ITPR2: variants seen among roughly 807,000 people sequenced by gnomAD.
ITPR2 encodes inositol 1,4,5-trisphosphate-gated calcium channel ITPR2.
ITPR2 carries 207 observed loss-of-function variants against 317.1 expected under a neutral mutation model. That is an observed-to-expected ratio of 0.65 (90% CI 0.58 to 0.73). The LOEUF is 0.73. Ranked by LOEUF, ITPR2 falls within the 30% of genes least tolerant of loss-of-function variation. The pLI, the probability that ITPR2 is intolerant of heterozygous loss-of-function variation, is 0.00. For synonymous variants in ITPR2, 1,156 were observed against 1,149.1 expected (o/e 1.01, Z -0.12); for missense variants, 2,613 against 3,284.0 (o/e 0.80, Z 4.99).
At chr12:26,355,706 A>G (rs1200014062) in intron 55 of ITPR2, among the ~76,000 whole-genome samples, 1 of 152,162 alleles carries the variant, frequency 6.6e-6, no homozygotes, top group African/African-American at 2.4e-5. Context: ...GATTCCAAAT[A>G]CCTTTTTCTA....
At chr12:26,393,028 A>G (rs1290186442) in intron 54 of ITPR2, among the ~76,000 whole-genome samples, 1 of 152,178 alleles carries the variant, frequency 6.6e-6, no homozygotes, top group Admixed American at 6.5e-5. Context: ...CTTCTGGATC[A>G]CTAGCTATTG....
At chr12:26,637,450 C>T (rs772950421) in intron 21 of ITPR2, among the ~76,000 whole-genome samples, 8 of 151,972 alleles carry the variant, frequency 5.3e-5, no homozygotes, top group Non-Finnish European at 7.4e-5. Context: ...CAATTTTTAA[C>T]GAGGTTTTGA....
At chr12:26,638,695 G>A (rs571816943) in intron 21 of ITPR2, among the ~76,000 whole-genome samples, 7 of 152,166 alleles carry the variant, frequency 4.6e-5, no homozygotes, top group Non-Finnish European at 8.8e-5. Flanking sequence ...ATTGACTTGG[G>A]TGAAGTCAGA....
intron 55 of ITPR2, among the ~76,000 whole-genome samples, chr12:26,367,130 A>G (rs572354069): frequency 2.4e-4 from 36 of 152,350 alleles, no homozygotes; most frequent in African/African-American, 8.4e-4. Flanking sequence ...TTAGATATAT[A>G]CTTTTATCTC....
chr12:26,650,091 G>C (rs1947211196), intron 21 of ITPR2, among the ~76,000 whole-genome samples: 1 of 152,010 alleles, frequency 6.6e-6, no homozygotes, highest in Admixed American at 6.6e-5. Context: ...GAATAATTAA[G>C]GTATCTAGAA....
chr12:26,606,204 T>C (rs529879224), intron 26 of ITPR2, among the ~76,000 whole-genome samples: 1 of 141,694 alleles, frequency 7.1e-6, no homozygotes, highest in South Asian at 2.2e-4. Flanking sequence ...AAAAAAAAAG[T>C]GTGACACTTA....
intron 2 of ITPR2, among the ~76,000 whole-genome samples, chr12:26,758,775 AT>A (rs1325496643): frequency 6.6e-6 from 1 of 152,240 alleles, no homozygotes; most frequent in Non-Finnish European, 1.5e-5. Context: ...AGGTATATGG[AT>A]GGCAGAAGAA....
chr12:26,488,914 T>C (rs1942733906), intron 39 of ITPR2, among the ~76,000 whole-genome samples: 1 of 152,180 alleles, frequency 6.6e-6, no homozygotes, highest in Non-Finnish European at 1.5e-5. Flanking sequence ...TATAGATTCA[T>C]AAAATGAGGT....
At position 26,550,288 on chromosome 12, in the gene ITPR2, A is replaced by G; in HGVS notation, c.5032T>C (p.Leu1678=). The G allele has an allele frequency of 6.4e-7, 1 of 1,553,712 alleles. No homozygotes were observed. The highest frequency in any genetic ancestry group is 8.8e-7 in the Non-Finnish European group (1 of 1,132,538). ...EKLCIKILQT[L]REMLEKKDSF... ...TCTTTCTTCTCTAACATTTCTCGTA[A>G]TGTCTGAAGAATTTTAATGCACAGT... is the stretch of plus-strand genomic sequence containing the variant. The change falls in exon 37 of 57, where the codon TTA becomes CTA. Residue 1678 remains leucine (L), a synonymous_variant. Transcript: ENST00000381340.
At chr12:26,574,021 G>C (rs566507934) in intron 34 of ITPR2, among the ~76,000 whole-genome samples, 1 of 152,188 alleles carries the variant, frequency 6.6e-6, no homozygotes. Flanking sequence ...GAAAGAAAAA[G>C]AGAGATTCTG....
chr12:26,374,287 A>G (rs1939276979), intron 55 of ITPR2, among the ~76,000 whole-genome samples: 1 of 152,232 alleles, frequency 6.6e-6, no homozygotes, highest in Admixed American at 6.5e-5. Context: ...CTATTTAGCT[A>G]TGTAAAACCT....
chr12:26,623,847 T>C lies in ITPR2; in HGVS notation c.3122+452A>G, dbSNP rs1381371055. ...GGCTAGTCATGTCAAAGGTGTCTTG[T>C]TTTATTTAATCATGGGTATTTCCAA... On this transcript the variant is annotated intron_variant, in intron 24 of 56. Transcript: ENST00000381340. 3.3e-5 allele frequency among the ~76,000 whole-genome samples: 5 copies of C among 152,342 alleles called. No homozygotes were observed. The East Asian group carries it at 9.6e-4, about 29-fold the overall frequency.
At chr12:26,512,153 A>C (rs1010808211) in intron 37 of ITPR2, among the ~76,000 whole-genome samples, 7 of 148,440 alleles carry the variant, frequency 4.7e-5, no homozygotes, top group African/African-American at 1.8e-4. Flanking sequence ...CCTGCCTCCC[A>C]TTTTATTCCT....
intron 55 of ITPR2, among the ~76,000 whole-genome samples, chr12:26,358,786 T>G (rs889639255): frequency 1.3e-5 from 2 of 152,014 alleles, no homozygotes; most frequent in African/African-American, 2.4e-5. Flanking sequence ...CCCTCCCCCA[T>G]CTGTGGCTGC....
At chr12:26,678,993 A>G (rs575158965) in intron 13 of ITPR2, among the ~76,000 whole-genome samples, 2 of 152,364 alleles carry the variant, frequency 1.3e-5, no homozygotes, top group Admixed American at 1.3e-4. Flanking sequence ...TGCTGTGCAT[A>G]TCTAAGAGTG....
At chr12:26,521,859 A>T (rs1340782720) in intron 37 of ITPR2, among the ~76,000 whole-genome samples, 1 of 152,182 alleles carries the variant, frequency 6.6e-6, no homozygotes, top group Non-Finnish European at 1.5e-5. Context: ...GATGATAATG[A>T]GCTATCCCTA....
chr12:26,501,005 T>G (rs141609844), intron 37 of ITPR2, among the ~76,000 whole-genome samples: 1 of 152,058 alleles, frequency 6.6e-6, no homozygotes, highest in Non-Finnish European at 1.5e-5. Flanking sequence ...AATCAAGATA[T>G]CATGAAAAAA....
intron 5 of ITPR2, among the ~76,000 whole-genome samples, chr12:26,721,553 G>A (rs776305100): frequency 3.9e-5 from 6 of 151,990 alleles, no homozygotes; most frequent in Non-Finnish European, 8.8e-5. Flanking sequence ...TGCAATACTT[G>A]CAGGTATTTA....
chr12:26,481,425 A>T (rs903114342), intron 42 of ITPR2, among the ~76,000 whole-genome samples, 184 bp from the exon 43 acceptor site: 13 of 152,226 alleles, frequency 8.5e-5, no homozygotes, highest in Non-Finnish European at 1.6e-4. Context: ...AGTATTGATC[A>T]AATGGTTTTG....
Sources: gnomAD v4.1 joint callset for allele counts (sites outside exome capture counted in the v4.1 genomes callset) on GRCh38, gnomAD v4.1.1 for gene constraint, MANE v1.5 for transcripts, NCBI Gene and HGNC (gene_info 2026-07-23, HGNC 2026-07-21) for gene names.